TGFBR3L: variants seen among roughly 807,000 people sequenced by gnomAD.
TGFBR3L encodes transforming growth factor-beta receptor type 3-like protein.
In TGFBR3L, 21 loss-of-function variants were observed where a neutral mutation model predicts 20.4. That is an observed-to-expected ratio of 1.03 (90% CI 0.73 to 1.48). TGFBR3L has a LOEUF of 1.48. Ranked by LOEUF, TGFBR3L falls within the 40% of genes most tolerant of loss-of-function variation. The probability of loss-of-function intolerance (pLI) is 0.00; values close to 1 mark genes in which losing one functional copy is unlikely to be tolerated. For synonymous variants in TGFBR3L, 245 were observed against 244.2 expected (o/e 1.00, Z -0.03); for missense variants, 479 against 498.0 (o/e 0.96, Z 0.36).
At chr19:7,918,223 G>A in intron 5 of TGFBR3L, 94 bp downstream of exon 6, 1 of 748,382 alleles carries the variant, frequency 1.3e-6, no homozygotes, top group Non-Finnish European at 1.9e-6. Flanking sequence ...TGGTTTTTTT[G>A]TTTGTTTGTT....
At position 7,916,776 on chromosome 19, in the gene TGFBR3L, C is replaced by T. The variant is rs967099017; in HGVS notation, c.431C>T (p.Pro144Leu). The change falls in exon 2 of 6, where the codon CCG becomes CTG. Residue 144 changes from proline to leucine, a missense_variant. Transcript: ENST00000565886. ...GTCGCCTTCCCGCCACCGCCGCCGC[C>T]GAGCCCGGGTGCCGCCCGCCCCGCG... 1.1e-5 allele frequency: 16 copies of T among 1,489,576 alleles called. No homozygotes were observed. The East Asian group carries it at 1.4e-4, about 13-fold the overall frequency. 92.3% of individuals were successfully genotyped at this position (1,489,576 alleles called of 1,614,324 possible). A position where few individuals can be genotyped will look rare whatever the true frequency, so the allele number is the denominator to read the frequency against.
chr19:7,918,098 G>C lies in TGFBR3L; in HGVS notation c.925G>C (p.Gly309Arg). The change falls in exon 5 of 6, where the codon GGT becomes CGT. Residue 309 changes from glycine (G) to arginine (R), a missense_variant. By Grantham distance (125) the Gly-to-Arg change is moderately radical. Transcript: ENST00000565886. ...CCCGCCCGCGAGAGCCTCGCCCAGC[G>C]GTCCCCAGCCCAGGAGGTCCCAGTG... 2.0e-6 allele frequency: 3 copies of C among 1,535,818 alleles called. No homozygotes were observed. Among genetic ancestry groups the C allele is most frequent in the Non-Finnish European group, 2.6e-6 (3 of 1,146,748 alleles).
chr19:7,916,943 G>A lies in TGFBR3L; in HGVS notation c.597+1G>A. 1 of 1,285,800 alleles carries A rather than the reference G, an allele frequency of 7.8e-7. No individual in the cohort carries two copies. The highest frequency in any genetic ancestry group is 9.8e-7 in the Non-Finnish European group (1 of 1,024,724). The allele number at this position is 1,285,800 out of a possible 1,614,324, so 79.6% of individuals were successfully genotyped here. On this transcript the variant is annotated splice_donor_variant, in intron 2 of 5. Coordinates refer to ENST00000565886, the MANE Select transcript of TGFBR3L (RefSeq NM_001195259.2). LOFTEE classifies it high-confidence loss of function. ...GCCGCCGCCGCCGCCGCCATCGCGG[G>A]TGCGCGGGCGCAGAGCCTGGAATCC... is the stretch of plus-strand genomic sequence containing the variant.
intron 3 of TGFBR3L, 23 bp downstream of exon 4, chr19:7,917,622 C>A: frequency 6.9e-7 from 1 of 1,445,564 alleles, no homozygotes; most frequent in South Asian, 1.4e-5. Context: ...TCCTCCTCCG[C>A]ATGGGGCCGT....
chr19:7,917,035 G>A (rs1012209666), intron 2 of TGFBR3L, 93 bp downstream of exon 3: 7 of 1,238,940 alleles, frequency 5.6e-6, no homozygotes, highest in Non-Finnish European at 6.1e-6. Context: ...TACTCTCGGG[G>A]TCTGAGGATC....
intron 5 of TGFBR3L, 196 bp from the exon 7 acceptor site, chr19:7,918,721 C>T (rs1983437443): frequency 7.6e-6 from 3 of 394,780 alleles, no homozygotes; most frequent in Admixed American, 8.9e-5. Context: ...GGGTCACCCG[C>T]GGCAGGCGCG....
rs1360212186 is a variant in TGFBR3L, at chr19:7,916,613, G to C, written c.277-9G>C. ...ACGGGCGATCCCTGATGGCGCCTCC[G>C]TCCCCCAGGCGGCCTTGGCCCGTCC... On this transcript the variant is annotated splice_polypyrimidine_tract_variant and intron_variant, in intron 1 of 5. Coordinates refer to ENST00000565886, the MANE Select transcript of TGFBR3L (RefSeq NM_001195259.2). The C allele has an allele frequency of 4.2e-6, 6 of 1,426,830 alleles. No homozygotes were observed. In the South Asian group the frequency reaches 9.0e-5, roughly 21 times the overall value. The allele number at this position is 1,426,830 out of a possible 1,614,324, so 88.4% of individuals were successfully genotyped here.
At position 7,915,200 on chromosome 19, in the gene TGFBR3L, C is replaced by G. The variant is rs1983221863; in HGVS notation, c.-1068C>G. Among the ~76,000 whole-genome samples, 1 of 152,152 alleles carries G rather than the reference C, an allele frequency of 6.6e-6. No homozygotes were observed. Among genetic ancestry groups the G allele is most frequent in the Non-Finnish European group, 1.5e-5 (1 of 68,016 alleles). On this transcript the variant is annotated 5_prime_UTR_variant, in exon 1 of 6. Coordinates refer to ENST00000565886, the MANE Select transcript of TGFBR3L (RefSeq NM_001195259.2). ...ATGTTGGCCAGGCTGGTCTCGAACT[C>G]CTGACCTCAGGCGATCCGCCCGCCT...
chr19:7,917,831 C>T lies in TGFBR3L; in HGVS notation c.855C>T (p.Ala285=), dbSNP rs1983384320. The T allele has an allele frequency of 1.4e-6, 2 of 1,381,796 alleles. No individual in the cohort carries two copies. The highest frequency in any genetic ancestry group is 1.5e-5 in the African/African-American group (1 of 65,430). 85.6% of individuals were successfully genotyped at this position (1,381,796 alleles called of 1,614,324 possible). Reference sequence around the variant, plus strand: ...TCGTGCTGGGCGCCGCGCTGGCCGCCGGGCTGGGTCTCGTCTGTGCGCACT... The same window carrying T: ...TCGTGCTGGGCGCCGCGCTGGCCGCTGGGCTGGGTCTCGTCTGTGCGCACT... Residue 285 remains alanine (A), a synonymous_variant, in exon 4 of 6, where the codon GCC becomes GCT. Coordinates refer to ENST00000565886, the MANE Select transcript of TGFBR3L (RefSeq NM_001195259.2).
In TGFBR3L at chr19:7,917,585, CG is replaced by C; in HGVS notation, c.711del (p.Arg238GlyfsTer139). On this transcript the variant is annotated frameshift_variant, in exon 3 of 6. Transcript: ENST00000565886. LOFTEE classifies it high-confidence loss of function. The stretch of plus-strand genomic sequence containing the variant: ...ACGCAGCCTATCGTGGTCACCGTGC[CG>C]CGGCCGCCCCCCAGTGAGCACGCAG... 1 of 1,481,750 alleles carries C rather than the reference CG, an allele frequency of 6.7e-7. No homozygotes were observed. Among genetic ancestry groups the C allele is most frequent in the Non-Finnish European group, 8.9e-7 (1 of 1,118,618 alleles). 91.8% of individuals were successfully genotyped at this position (1,481,750 alleles called of 1,614,324 possible).
rs971614047 is a variant in TGFBR3L at position 7,916,080 on chromosome 19, C to A, written c.-188C>A. On this transcript the variant is annotated 5_prime_UTR_variant, in exon 1 of 6. Transcript: ENST00000565886. ...GGAAGGTGGGGGAGCTCTGACTTCA[C>A]CCAGCCGGACCCCACCATCGGGTGC... 50 of 1,227,038 alleles carry A rather than the reference C, an allele frequency of 4.1e-5. No individual in the cohort carries two copies. The African/African-American group carries it at 7.2e-4, about 18-fold the overall frequency. The allele number at this position is 1,227,038 out of a possible 1,614,324, so 76.0% of individuals were successfully genotyped here. A position where few individuals can be genotyped will look rare whatever the true frequency, so the allele number is the denominator to read the frequency against.
Position 7,918,953 on chromosome 19 carries a change from C to T in TGFBR3L, c.*42C>T. The T allele has an allele frequency of 2.5e-6, 1 of 398,614 alleles. No individual in the cohort carries two copies. Among genetic ancestry groups the T allele is most frequent in the Non-Finnish European group, 4.4e-6 (1 of 226,088 alleles). 24.7% of individuals were successfully genotyped at this position (398,614 alleles called of 1,614,324 possible). A position where few individuals can be genotyped will look rare whatever the true frequency, so the allele number is the denominator to read the frequency against. On this transcript the variant is annotated 3_prime_UTR_variant, in exon 6 of 6. Coordinates refer to ENST00000565886, the MANE Select transcript of TGFBR3L (RefSeq NM_001195259.2). The stretch of plus-strand genomic sequence containing the variant: ...CCCCAACATGGTCCGGAGATACACC[C>T]AGCTACCAATTCGGGACCAGGACCA...
At position 7,917,785 on chromosome 19, in the gene TGFBR3L, T is replaced by C; in HGVS notation, c.809T>C (p.Val270Ala). ...GCGGCCCTGGAACCCGCGCCGGTGG[T>C]GGCGCTGGTGTTGGCAGCCTTCGTG... Residue 270 changes from valine (V) to alanine (A), a missense_variant, in exon 4 of 6, where the codon GTG (valine) becomes GCG (alanine). Coordinates refer to ENST00000565886, the MANE Select transcript of TGFBR3L (RefSeq NM_001195259.2). The C allele has an allele frequency of 1.4e-6, 2 of 1,439,586 alleles. No homozygotes were observed. The highest frequency in any genetic ancestry group is 1.8e-6 in the Non-Finnish European group (2 of 1,104,238). 89.2% of individuals were successfully genotyped at this position (1,439,586 alleles called of 1,614,324 possible).
rs558160522 is a variant in TGFBR3L, at chr19:7,915,051, C to G, written c.-1217C>G. On this transcript the variant is annotated 5_prime_UTR_variant, in exon 1 of 6. Transcript: ENST00000565886. The stretch of plus-strand genomic sequence containing the variant: ...GTGCAGTGGCGCAATCTCCACTCAC[C>G]GCAACCTCCGCCTCCCCGGTTCAAG... Among the ~76,000 whole-genome samples the G allele has an allele frequency of 6.6e-6, 1 of 152,066 alleles. No individual in the cohort carries two copies. The highest frequency in any genetic ancestry group is 2.4e-5 in the African/African-American group (1 of 41,382).
rs986567517 is a variant in TGFBR3L at position 7,916,940 on chromosome 19, C to A, written c.595C>A (p.Arg199=). ...GCCGCCGCCGCCGCCGCCGCCATCG[C>A]GGGTGCGCGGGCGCAGAGCCTGGAA... is the stretch of plus-strand genomic sequence containing the variant. Residue 199 remains arginine, a splice_region_variant and synonymous_variant, in exon 2 of 6, where the codon CGG becomes AGG. Coordinates refer to ENST00000565886, the MANE Select transcript of TGFBR3L (RefSeq NM_001195259.2). 1 of 1,285,546 alleles carries A rather than the reference C, an allele frequency of 7.8e-7. No individual in the cohort carries two copies. The highest frequency in any genetic ancestry group is 9.8e-7 in the Non-Finnish European group (1 of 1,024,520). 79.6% of individuals were successfully genotyped at this position (1,285,546 alleles called of 1,614,324 possible).
At position 7,917,487 on chromosome 19, in the gene TGFBR3L, C is replaced by T. The variant is rs1983362218; in HGVS notation, c.612C>T (p.Asp204=). The change falls in exon 3 of 6, where the codon GAC becomes GAT. Residue 204 remains aspartate (D), a synonymous_variant. Coordinates refer to ENST00000565886, the MANE Select transcript of TGFBR3L (RefSeq NM_001195259.2). ...CTCTCCCCCAGTGTCTGCCTCAGGA[C>T]GAGGCGTGCGCCGACACTGGCAGTG... The T allele has an allele frequency of 6.6e-7, 1 of 1,526,546 alleles. No individual in the cohort carries two copies. Among genetic ancestry groups the T allele is most frequent in the Non-Finnish European group, 8.7e-7 (1 of 1,143,130 alleles). 94.6% of individuals were successfully genotyped at this position (1,526,546 alleles called of 1,614,324 possible).
intron 4 of TGFBR3L, 45 bp from the exon 6 acceptor site, chr19:7,918,012 G>C: frequency 6.6e-7 from 1 of 1,523,158 alleles, no homozygotes; most frequent in Non-Finnish European, 8.8e-7. Context: ...CCTTAGCCTG[G>C]CGTGGCGCGC....
At chr19:7,916,963 GA>G in intron 2 of TGFBR3L, 21 bp downstream of exon 3, 6 of 1,277,616 alleles carry the variant, frequency 4.7e-6, no homozygotes, top group Non-Finnish European at 5.9e-6. Context: ...GCAGAGCCTG[GA>G]ATCCGGGCGC....
Position 7,917,797 on chromosome 19 carries a change from T to C in TGFBR3L, c.821T>C (p.Leu274Ser). Residue 274 changes from leucine to serine, a missense_variant, in exon 4 of 6, where the codon TTG becomes TCG. Physicochemically the swap from Leu to Ser is moderately radical, Grantham distance 145. Transcript: ENST00000565886. ...CCCGCGCCGGTGGTGGCGCTGGTGT[T>C]GGCAGCCTTCGTGCTGGGCGCCGCG... The C allele has an allele frequency of 3.5e-6, 5 of 1,438,006 alleles. No individual in the cohort carries two copies. Among genetic ancestry groups the C allele is most frequent in the Non-Finnish European group, 3.6e-6 (4 of 1,103,434 alleles). The allele number at this position is 1,438,006 out of a possible 1,614,324, so 89.1% of individuals were successfully genotyped here. A position where few individuals can be genotyped will look rare whatever the true frequency, so the allele number is the denominator to read the frequency against.
Sources: gnomAD v4.1 joint callset for allele counts (sites outside exome capture counted in the v4.1 genomes callset) on GRCh38, gnomAD v4.1.1 for gene constraint, MANE v1.5 for transcripts, NCBI Gene and HGNC (gene_info 2026-07-23, HGNC 2026-07-21) for gene names.